Variants in AK5 observed in about 807,000 individuals in gnomAD.
The protein encoded by AK5 is adenylate kinase isoenzyme 5.
Under a neutral mutation model 69.5 loss-of-function variants are expected in AK5, and 27 were observed. The ratio of observed to expected loss-of-function variants is 0.39; its 90% confidence interval spans 0.29 to 0.54. The LOEUF is 0.54. Among genes scored for constraint, AK5 ranks in the 20% least tolerant of loss-of-function variants. The pLI is 0.71. For missense variants in AK5, 531 were observed against 700.4 expected (o/e 0.76, Z 2.73); for synonymous variants, 260 against 244.4 (o/e 1.06, Z -0.60).
chr1:77,383,587 T>C (rs1647801490), intron 6 of AK5, among the ~76,000 whole-genome samples: 1 of 152,172 alleles, frequency 6.6e-6, no homozygotes, highest in Non-Finnish European at 1.5e-5. Flanking sequence ...TAAAAAATAT[T>C]ATGAAACCTT....
At chr1:77,411,587 A>G (rs558807229) in intron 7 of AK5, among the ~76,000 whole-genome samples, 1 of 152,232 alleles carries the variant, frequency 6.6e-6, no homozygotes, top group Non-Finnish European at 1.5e-5. Context: ...TAATGTAGGC[A>G]GTACTCATGG....
chr1:77,349,477 G>T (rs1170069050), intron 6 of AK5: 3 of 152,152 alleles, frequency 2.0e-5, no homozygotes, highest in African/African-American at 4.8e-5. Flanking sequence ...CACACTGCTG[G>T]CCCCAAAGGC....
chr1:77,316,047 T>G (rs752403378), intron 5 of AK5, among the ~76,000 whole-genome samples: 17 of 152,188 alleles, frequency 1.1e-4, no homozygotes, highest in Non-Finnish European at 2.1e-4. Flanking sequence ...ATAAAAGTAC[T>G]GATGCTTGGT....
chr1:77,455,506 A>T (rs2100664810), intron 8 of AK5, among the ~76,000 whole-genome samples: 1 of 152,294 alleles, frequency 6.6e-6, no homozygotes, highest in South Asian at 2.1e-4. Context: ...GAGATTTAAT[A>T]GTGAGGGCAC....
intron 6 of AK5, among the ~76,000 whole-genome samples, chr1:77,370,257 G>A (rs926247870): frequency 6.6e-6 from 1 of 152,146 alleles, no homozygotes; most frequent in African/African-American, 2.4e-5. Flanking sequence ...CAGCTCCGTG[G>A]AGAACTCCAG....
At chr1:77,523,168 C>CT (rs1390857365) in intron 12 of AK5, among the ~76,000 whole-genome samples, 1 of 152,126 alleles carries the variant, frequency 6.6e-6, no homozygotes, top group African/African-American at 2.4e-5. Flanking sequence ...TGTCAAAATA[C>CT]TTCAAGGTCA....
At chr1:77,346,942 A>G (rs1661948246) in intron 6 of AK5, among the ~76,000 whole-genome samples, 2 of 152,188 alleles carry the variant, frequency 1.3e-5, no homozygotes, top group African/African-American at 2.4e-5. Context: ...CAGCGTCTCA[A>G]TAGGTAAGGG....
intron 8 of AK5, among the ~76,000 whole-genome samples, chr1:77,430,377 G>C (rs951030978): frequency 5.9e-5 from 9 of 152,210 alleles, no homozygotes; most frequent in African/African-American, 2.2e-4. Flanking sequence ...GACAGTGGTG[G>C]CATTCACTGA....
chr1:77,337,498 T>G (rs967397706), intron 5 of AK5, among the ~76,000 whole-genome samples: 1 of 152,190 alleles, frequency 6.6e-6, no homozygotes, highest in Admixed American at 6.5e-5. Flanking sequence ...AAATTTCTTA[T>G]GTAATTTATT....
At chr1:77,402,452 C>T (rs1428775712) in intron 6 of AK5, among the ~76,000 whole-genome samples, 1 of 134,292 alleles carries the variant, frequency 7.4e-6, no homozygotes, top group Admixed American at 7.5e-5. Flanking sequence ...CCCCTCCCCC[C>T]ACCCCACAAC....
chr1:77,521,116 A>G (rs1469631249), intron 11 of AK5, among the ~76,000 whole-genome samples: 1 of 152,128 alleles, frequency 6.6e-6, no homozygotes, highest in African/African-American at 2.4e-5. Flanking sequence ...TATTTACTGG[A>G]AAAAAAGTTA....
chr1:77,408,994 AC>A (rs1649850309), intron 6 of AK5, among the ~76,000 whole-genome samples: 1 of 152,144 alleles, frequency 6.6e-6, no homozygotes, highest in African/African-American at 2.4e-5. Flanking sequence ...GCTCCCACTT[AC>A]AAGTAAGGAC....
chr1:77,300,415 C>G (rs1210712589), intron 5 of AK5, among the ~76,000 whole-genome samples: 3 of 152,174 alleles, frequency 2.0e-5, no homozygotes, highest in African/African-American at 7.2e-5. Context: ...GTGGGCAGTA[C>G]AGAGGTGTCT....
chr1:77,428,100 ACAGTGGC>A (rs1410530162), intron 8 of AK5, among the ~76,000 whole-genome samples: 3 of 152,204 alleles, frequency 2.0e-5, no homozygotes, highest in African/African-American at 7.2e-5. Flanking sequence ...CGTATTAATG[ACAGTGGC>A]TTTTTAGATA....
At chr1:77,298,246 T>C (rs1270231127) in intron 5 of AK5, among the ~76,000 whole-genome samples, 1 of 152,166 alleles carries the variant, frequency 6.6e-6, no homozygotes, top group Non-Finnish European at 1.5e-5. Flanking sequence ...TATTTTGAAT[T>C]ACTAAGAATA....
intron 10 of AK5, among the ~76,000 whole-genome samples, chr1:77,488,401 A>ACC (rs397823307): frequency 6.6e-6 from 1 of 151,436 alleles, no homozygotes; most frequent in Non-Finnish European, 1.5e-5. Flanking sequence ...CAGACCATAC[A>ACC]GAGTCTTATA....
chr1:77,368,238 TATATATATATATATA>T (rs1647040797), intron 6 of AK5, among the ~76,000 whole-genome samples: 1 of 1,912 alleles, frequency 5.2e-4, no homozygotes, highest in African/African-American at 6.7e-4. Context: ...TATATATATA[TATATATATATATATA>T]ATATATATGT....
At chr1:77,401,570 T>C (rs1649218533) in intron 6 of AK5, among the ~76,000 whole-genome samples, 1 of 152,178 alleles carries the variant, frequency 6.6e-6, no homozygotes, top group Non-Finnish European at 1.5e-5. Flanking sequence ...AAAAGCAGAA[T>C]CGCAGAGGAA....
chr1:77,389,114 G>C (rs74705656), intron 6 of AK5, among the ~76,000 whole-genome samples: 13,658 of 152,206 alleles, frequency 0.09, 836 homozygotes, highest in South Asian at 0.17. Context: ...TGAATTGGAG[G>C]GGACTGTACT....
Sources: allele counts gnomAD v4.1 joint callset (sites outside exome capture counted in the v4.1 genomes callset), GRCh38; gene constraint gnomAD v4.1.1; transcripts MANE v1.5; gene names NCBI Gene and HGNC (gene_info 2026-07-23, HGNC 2026-07-21).